MARCHF5: variants seen among roughly 807,000 people sequenced by gnomAD.
MARCHF5 encodes the protein membrane associated ring-CH-type finger 5, also known as E3 ubiquitin-protein ligase MARCHF5.
In MARCHF5, 5 loss-of-function variants were observed where a neutral mutation model predicts 36.5. That is an observed-to-expected ratio of 0.14 (90% CI 0.07 to 0.29). MARCHF5 has a LOEUF of 0.29. MARCHF5 is among the 10% of genes least tolerant of loss of function. The pLI, the probability that MARCHF5 is intolerant of heterozygous loss-of-function variation, is 1.00. For missense variants in MARCHF5, 179 were observed against 336.3 expected, an observed-to-expected ratio of 0.53 and a Z score of 3.66; for synonymous variants, 103 against 109.9, an observed-to-expected ratio of 0.94 and a Z score of 0.39.
At position 92,311,344 on chromosome 10, in the gene MARCHF5, A is replaced by G. The variant is rs2135186416; in HGVS notation, c.238+7A>G. 1 of 1,549,288 alleles carries G rather than the reference A, an allele frequency of 6.5e-7. No individual in the cohort carries two copies. Among genetic ancestry groups the G allele is most frequent in the Non-Finnish European group, 8.8e-7 (1 of 1,141,472 alleles). Reference sequence around the variant, plus strand: ...ATAGTTTTTCCAAAATTGGGTAAGAATATCTTTAAAAACAACACAGATATA... The same window carrying G: ...ATAGTTTTTCCAAAATTGGGTAAGAGTATCTTTAAAAACAACACAGATATA... On this transcript the variant is annotated splice_region_variant and intron_variant, in intron 2 of 5. Coordinates refer to ENST00000358935, the MANE Select transcript of MARCHF5 (RefSeq NM_017824.5).
Position 92,351,340 on chromosome 10 carries a change from G to A in MARCHF5, c.*133G>A. The stretch of plus-strand genomic sequence containing the variant: ...TATATTTTTTAAGAAATATAATAAA[G>A]CACTTAGGGCAGGGGAAATCATCTC... On this transcript the variant is annotated 3_prime_UTR_variant, in exon 6 of 6. Coordinates refer to ENST00000358935, the MANE Select transcript of MARCHF5 (RefSeq NM_017824.5). 1.8e-6 allele frequency: 1 copy of A among 555,614 alleles called. No homozygotes were observed. Among genetic ancestry groups the A allele is most frequent in the South Asian group, 2.7e-5 (1 of 36,828 alleles). The allele number at this position is 555,614 out of a possible 1,614,324, so 34.4% of individuals were successfully genotyped here. A position where few individuals can be genotyped will look rare whatever the true frequency, so the allele number is the denominator to read the frequency against.
At chr10:92,329,827 A>C (rs1007815409) in intron 2 of MARCHF5, among the ~76,000 whole-genome samples, 3 of 152,192 alleles carry the variant, frequency 2.0e-5, no homozygotes, top group Admixed American at 6.5e-5. Flanking sequence ...CTTTGTTGTC[A>C]AAGTTTATAG....
At chr10:92,294,669 A>C (rs1842928188) in intron 1 of MARCHF5, among the ~76,000 whole-genome samples, 2 of 152,180 alleles carry the variant, frequency 1.3e-5, no homozygotes, top group African/African-American at 2.4e-5. Context: ...TTATTTCTTT[A>C]ATGCAGGTTT....
intron 1 of MARCHF5, among the ~76,000 whole-genome samples, chr10:92,310,477 A>G (rs774240305): frequency 3.6e-4 from 55 of 152,270 alleles, no homozygotes; most frequent in Middle Eastern, 3.4e-3. Flanking sequence ...TTTTATTAAT[A>G]TAAGCACCCC....
At chr10:92,337,237 C>T (rs1015923184) in intron 2 of MARCHF5, among the ~76,000 whole-genome samples, 4 of 151,558 alleles carry the variant, frequency 2.6e-5, no homozygotes, top group African/African-American at 9.7e-5. Context: ...GATAGAGGGC[C>T]GGGCGCAGTG....
At chr10:92,347,401 C>T (rs1183485215) in intron 3 of MARCHF5, among the ~76,000 whole-genome samples, 1 of 151,910 alleles carries the variant, frequency 6.6e-6, no homozygotes, top group Non-Finnish European at 1.5e-5. Flanking sequence ...AGAAGAATAG[C>T]TTGAACTCAG....
At chr10:92,307,823 G>A (rs772904421) in intron 1 of MARCHF5, among the ~76,000 whole-genome samples, 18 of 152,024 alleles carry the variant, frequency 1.2e-4, no homozygotes, top group Non-Finnish European at 2.6e-4. Context: ...GCAGTGAGCC[G>A]AGACCACCAC....
At chr10:92,293,912 T>C (rs750673524) in intron 1 of MARCHF5, among the ~76,000 whole-genome samples, 15 of 152,158 alleles carry the variant, frequency 9.9e-5, no homozygotes, top group Non-Finnish European at 1.5e-4. Flanking sequence ...CTTTGTACTC[T>C]TTTGACATAC....
intron 1 of MARCHF5, among the ~76,000 whole-genome samples, chr10:92,305,488 GGGATCATGATC>G (rs1359747725): frequency 6.6e-6 from 1 of 152,040 alleles, no homozygotes; most frequent in Non-Finnish European, 1.5e-5. Flanking sequence ...TCAAACTTTC[GGGATCATGATC>G]ACCTGATGGG....
At chr10:92,340,317 T>C (rs1227589538) in intron 2 of MARCHF5, among the ~76,000 whole-genome samples, 4 of 152,240 alleles carry the variant, frequency 2.6e-5, no homozygotes, top group Non-Finnish European at 5.9e-5. Flanking sequence ...ATTTAGCTAT[T>C]CGTGCAAATG....
chr10:92,304,848 A>C (rs1843055203), intron 1 of MARCHF5, among the ~76,000 whole-genome samples: 1 of 152,214 alleles, frequency 6.6e-6, no homozygotes, highest in South Asian at 2.1e-4. Context: ...CTGCTTTGCA[A>C]CAACTCTGTG....
intron 2 of MARCHF5, chr10:92,334,688 T>C (rs1843482097): frequency 6.6e-6 from 1 of 152,224 alleles, no homozygotes; most frequent in African/African-American, 2.4e-5. Flanking sequence ...AATATAAATT[T>C]TAATTTATAT....
rs551948933 is a variant in MARCHF5, at chr10:92,346,786, A to G, written c.370-2563A>G. Among the ~76,000 whole-genome samples, 18 of 151,876 alleles carry G rather than the reference A, an allele frequency of 1.2e-4. No homozygotes were observed. The South Asian group carries it at 3.7e-3, about 32-fold the overall frequency. ...TTGTGAGTCACAGTGCCCAACCCCT[A>G]CTTCCTTTTTGTTTCCTTATTCTTA... On this transcript the variant is annotated intron_variant, in intron 3 of 5. Transcript: ENST00000358935.
At chr10:92,348,225 G>C (rs573777929) in intron 3 of MARCHF5, among the ~76,000 whole-genome samples, 1 of 141,062 alleles carries the variant, frequency 7.1e-6, no homozygotes, top group Non-Finnish European at 1.5e-5. Context: ...ACGGTGGCTC[G>C]CGCCTGTAAT....
chr10:92,316,803 C>T (rs1421753898), intron 2 of MARCHF5, among the ~76,000 whole-genome samples: 1 of 152,054 alleles, frequency 6.6e-6, no homozygotes, highest in Admixed American at 6.6e-5. Context: ...AGGGATCCCC[C>T]TCCCAAACCC....
At chr10:92,333,959 G>A (rs760807288) in intron 2 of MARCHF5, among the ~76,000 whole-genome samples, 20 of 152,160 alleles carry the variant, frequency 1.3e-4, no homozygotes, top group Non-Finnish European at 2.6e-4. Context: ...GGAGGCCGAG[G>A]CGGGTGGATC....
At chr10:92,318,550 G>A (rs1438028654) in intron 2 of MARCHF5, among the ~76,000 whole-genome samples, 3 of 151,366 alleles carry the variant, frequency 2.0e-5, no homozygotes, top group Non-Finnish European at 4.4e-5. Context: ...GCAAAACCCA[G>A]TCTCCACAAA....
At chr10:92,294,861 G>A (rs898470281) in intron 1 of MARCHF5, among the ~76,000 whole-genome samples, 2 of 152,046 alleles carry the variant, frequency 1.3e-5, no homozygotes, top group Non-Finnish European at 1.5e-5. Flanking sequence ...AACATGGCAA[G>A]ACTCAGTCTT....
chr10:92,349,305 A>C, intron 3 of MARCHF5, 44 bp from the exon 4 acceptor site: 1 of 1,414,182 alleles, frequency 7.1e-7, no homozygotes, highest in Non-Finnish European at 9.5e-7. Context: ...GCAACACCTC[A>C]TTTGAAAAAG....
Sources: allele counts gnomAD v4.1 joint callset (sites outside exome capture counted in the v4.1 genomes callset), GRCh38; gene constraint gnomAD v4.1.1; transcripts MANE v1.5; gene names NCBI Gene and HGNC (gene_info 2026-07-23, HGNC 2026-07-21).